The following STX5 variants were observed in gnomAD, a reference collection of about 807,000 sequenced individuals.
STX5 encodes syntaxin 5, also known as syntaxin-5.
In STX5, 15 loss-of-function variants were observed where a neutral mutation model predicts 42.9. The ratio of observed to expected loss-of-function variants is 0.35; its 90% CI spans 0.23 to 0.54. STX5 has a LOEUF of 0.54. Ranked by LOEUF, STX5 falls within the 20% of genes least tolerant of loss-of-function variation. STX5 has a pLI of 0.91. For missense variants in STX5, 430 were observed against 455.0 expected (o/e 0.95, Z 0.50); for synonymous variants, 184 against 173.2 (o/e 1.06, Z -0.49).
chr11:62,807,349 A>G lies in STX5; in HGVS notation c.*120T>C. 2 of 1,434,892 alleles carry G rather than the reference A, an allele frequency of 1.4e-6. No individual in the cohort carries two copies. Among genetic ancestry groups the G allele is most frequent in the Non-Finnish European group, 1.9e-6 (2 of 1,078,914 alleles). The allele number at this position is 1,434,892 out of a possible 1,614,324, so 88.9% of individuals were successfully genotyped here. A position where few individuals can be genotyped will look rare whatever the true frequency, so the allele number is the denominator to read the frequency against. On this transcript the variant is annotated 3_prime_UTR_variant, in exon 11 of 11. Coordinates refer to ENST00000294179, the MANE Select transcript of STX5 (RefSeq NM_003164.5). ...ATCAGGGGCAGTGGTCATTCTTAGC[A>G]GTTCCAGGGAAACAGGGCCTTTCTC...
chr11:62,810,529 C>T (rs1228466647), intron 10 of STX5, among the ~76,000 whole-genome samples: 1 of 152,146 alleles, frequency 6.6e-6, no homozygotes, highest in Non-Finnish European at 1.5e-5. Flanking sequence ...GCTATCCTCC[C>T]AACTTTTCTG....
intron 10 of STX5, among the ~76,000 whole-genome samples, chr11:62,819,363 A>C (rs1224457635): frequency 1.3e-5 from 2 of 151,876 alleles, no homozygotes; most frequent in African/African-American, 4.8e-5. Flanking sequence ...ACTACAAAAA[A>C]AAAACCAAAG....
At chr11:62,825,253 T>C (rs958285060) in intron 7 of STX5, 30 bp downstream of exon 7, 8 of 1,613,860 alleles carry the variant, frequency 5.0e-6, no homozygotes, top group Non-Finnish European at 2.5e-6. Flanking sequence ...ACTCCCATAT[T>C]CCTACCCCTC....
chr11:62,813,557 T>C (rs562481476), intron 10 of STX5, among the ~76,000 whole-genome samples: 1 of 152,142 alleles, frequency 6.6e-6, no homozygotes, highest in Non-Finnish European at 1.5e-5. Flanking sequence ...GCTTAGTGGA[T>C]TGATGTTCAG....
rs1220340268 is a variant in STX5, at chr11:62,830,908, T to A, written c.225+111A>T. The A allele has an allele frequency of 1.1e-5, 11 of 1,000,760 alleles. No homozygotes were observed. In the Admixed American group the frequency reaches 1.8e-4, roughly 16 times the overall value. 62.0% of individuals were successfully genotyped at this position (1,000,760 alleles called of 1,614,324 possible). ...ACCCTACAGGCCCCATCCAAGCCTA[T>A]CAGTTCCATCAGGTACCCCCCAAAA... On this transcript the variant is annotated intron_variant, in intron 2 of 10. Coordinates refer to ENST00000294179, the MANE Select transcript of STX5 (RefSeq NM_003164.5).
intron 10 of STX5, among the ~76,000 whole-genome samples, chr11:62,809,896 G>T (rs1288436358): frequency 6.6e-6 from 1 of 151,648 alleles, no homozygotes; most frequent in Non-Finnish European, 1.5e-5. Flanking sequence ...AAGTTCAGGG[G>T]TTTGAGACCC....
intron 10 of STX5, chr11:62,823,957 T>C: frequency 3.0e-6 from 2 of 668,436 alleles, no homozygotes; most frequent in Admixed American, 2.9e-5. Context: ...TACTTGCCAC[T>C]GTATCTCCCG....
chr11:62,818,757 G>C (rs1455910244), intron 10 of STX5, among the ~76,000 whole-genome samples: 1 of 151,096 alleles, frequency 6.6e-6, no homozygotes, highest in Non-Finnish European at 1.5e-5. Context: ...CAGCTACTCA[G>C]GAGGCTGAGG....
intron 9 of STX5, 63 bp downstream of exon 9, chr11:62,824,396 C>T: frequency 6.2e-7 from 1 of 1,613,174 alleles, no homozygotes; most frequent in Non-Finnish European, 8.5e-7. Context: ...ACTCCAAACA[C>T]TCTCTCGGGA....
intron 5 of STX5, 115 bp from the exon 6 acceptor site, chr11:62,825,654 A>C: frequency 1.1e-6 from 1 of 918,182 alleles, no homozygotes; most frequent in African/African-American, 1.6e-5. Context: ...AGCCAGAGTG[A>C]GAGTATCTCA....
intron 1 of STX5, among the ~76,000 whole-genome samples, chr11:62,831,629 A>T (rs2084866782): frequency 6.6e-6 from 1 of 151,988 alleles, no homozygotes; most frequent in South Asian, 2.1e-4. Context: ...CCCCTCCGGG[A>T]GGGCCAGTGA....
intron 9 of STX5, 61 bp downstream of exon 9, chr11:62,824,398 C>G (rs2084771411): frequency 1.9e-6 from 3 of 1,613,248 alleles, no homozygotes; most frequent in Non-Finnish European, 8.5e-7. Context: ...TCCAAACACT[C>G]TCTCGGGAAC....
intron 10 of STX5, among the ~76,000 whole-genome samples, chr11:62,819,466 T>G (rs1170920186): frequency 6.6e-6 from 1 of 151,858 alleles, no homozygotes; most frequent in African/African-American, 2.4e-5. Context: ...GGTAAATATG[T>G]GAGCACTATT....
Position 62,807,326 on chromosome 11 carries a change from CA to C in STX5, c.*142del, listed in dbSNP as rs1201253118. The stretch of plus-strand genomic sequence containing the variant: ...TGGCCAGAGGCAAGGGGTGGGGGAT[CA>C]GGGGCAGTGGTCATTCTTAGCAGTT... On this transcript the variant is annotated 3_prime_UTR_variant, in exon 11 of 11. Transcript: ENST00000294179. The C allele has an allele frequency of 6.8e-6, 9 of 1,318,984 alleles. No individual in the cohort carries two copies. Among genetic ancestry groups the C allele is most frequent in the Non-Finnish European group, 6.1e-6 (6 of 985,612 alleles). 81.7% of individuals were successfully genotyped at this position (1,318,984 alleles called of 1,614,324 possible). A position where few individuals can be genotyped will look rare whatever the true frequency, so the allele number is the denominator to read the frequency against.
intron 1 of STX5, 101 bp from the exon 2 acceptor site, chr11:62,831,363 C>A (rs929705122): frequency 2.0e-5 from 18 of 883,046 alleles, no homozygotes; most frequent in Non-Finnish European, 3.1e-5. Context: ...CTGCACTTCT[C>A]GTGGACTTTC....
intron 10 of STX5, among the ~76,000 whole-genome samples, chr11:62,815,121 C>T (rs1461995873): frequency 6.6e-6 from 1 of 151,932 alleles, no homozygotes; most frequent in African/African-American, 2.4e-5. Flanking sequence ...GATTCTCCTG[C>T]CTCAGCCTCC....
At chr11:62,827,049 TC>T (rs957251202) in intron 5 of STX5, 105 bp downstream of exon 5, 1 of 1,033,244 alleles carries the variant, frequency 9.7e-7, no homozygotes. Flanking sequence ...GACCCCCCTC[TC>T]TAAAAAAAGA....
chr11:62,827,088 G>A (rs1221612747), intron 5 of STX5, 67 bp downstream of exon 5: 2 of 1,502,520 alleles, frequency 1.3e-6, no homozygotes, highest in African/African-American at 1.4e-5. Flanking sequence ...CATGGCAATG[G>A]AAAATGACAG....
At chr11:62,811,747 A>G (rs1036937641) in intron 10 of STX5, among the ~76,000 whole-genome samples, 1 of 151,578 alleles carries the variant, frequency 6.6e-6, no homozygotes, top group Non-Finnish European at 1.5e-5. Context: ...TCGGCCTCCC[A>G]AAGTGCTAGG....
Sources: allele counts gnomAD v4.1 joint callset (sites outside exome capture counted in the v4.1 genomes callset), GRCh38; gene constraint gnomAD v4.1.1; transcripts MANE v1.5; gene names NCBI Gene and HGNC (gene_info 2026-07-23, HGNC 2026-07-21).